HDLBP: variants seen among roughly 807,000 people sequenced by gnomAD.
HDLBP encodes the protein high density lipoprotein binding protein, also known as vigilin.
In HDLBP, 30 loss-of-function variants were observed where a neutral mutation model predicts 137.3. That is an observed-to-expected ratio of 0.22 (90% CI 0.16 to 0.30). The LOEUF (loss-of-function observed/expected upper bound fraction) is 0.30, where lower values mean the gene tolerates loss of function less well. HDLBP is among the 10% of genes least tolerant of loss of function. The pLI is 1.00. For missense variants in HDLBP, 1,119 were observed against 1,667.3 expected, an observed-to-expected ratio of 0.67 and a Z score of 5.73; for synonymous variants, 606 against 596.0, an observed-to-expected ratio of 1.02 and a Z score of -0.24.
chr2:241,256,564 G>A, intron 6 of HDLBP, 36 bp downstream of exon 6: 1 of 1,600,710 alleles, frequency 6.2e-7, no homozygotes, highest in Non-Finnish European at 8.6e-7. Context: ...GCACAAGCAG[G>A]TAGGCAGGGG....
intron 4 of HDLBP, 38 bp from the exon 5 acceptor site, chr2:241,262,964 T>G (rs748868260): frequency 6.6e-7 from 1 of 1,520,742 alleles, no homozygotes; most frequent in South Asian, 1.1e-5. Context: ...GGTTAAGAGA[T>G]TAAAAGAAGG....
Position 241,246,740 on chromosome 2 carries a change from A to G in HDLBP, c.1950+12T>C, listed in dbSNP as rs753484391. The G allele has an allele frequency of 1.2e-6, 2 of 1,611,642 alleles. No homozygotes were observed. The highest frequency in any genetic ancestry group is 2.2e-5 in the East Asian group (1 of 44,844). ...TACTGGAGGATCTCCATTAGAAAACATCTCCCATTACCAGGTCTTTCTGAA... is the reference window on the plus strand; with the variant it reads ...TACTGGAGGATCTCCATTAGAAAACGTCTCCCATTACCAGGTCTTTCTGAA... On this transcript the variant is annotated intron_variant, in intron 16 of 27. Coordinates refer to ENST00000310931, the MANE Select transcript of HDLBP (RefSeq NM_005336.6).
intron 27 of HDLBP, 34 bp downstream of exon 27, chr2:241,229,799 C>A: frequency 6.4e-7 from 1 of 1,562,940 alleles, no homozygotes; most frequent in South Asian, 1.2e-5. Flanking sequence ...CCCACCCTCC[C>A]TGGGACCCAG....
intron 27 of HDLBP, 49 bp downstream of exon 27, chr2:241,229,784 G>GGCCCCC: frequency 1.3e-6 from 2 of 1,502,518 alleles, no homozygotes; most frequent in Non-Finnish European, 1.8e-6. Flanking sequence ...AAGCCCGCCT[G>GGCCCCC]CCCGCCCACC....
intron 14 of HDLBP, 80 bp downstream of exon 14, chr2:241,247,923 G>T: frequency 1.1e-6 from 1 of 945,308 alleles, no homozygotes; most frequent in Non-Finnish European, 1.7e-6. Context: ...GGGTCCTGTG[G>T]GGGTCAGGAC....
intron 1 of HDLBP, among the ~76,000 whole-genome samples, chr2:241,298,315 G>A (rs373565269): frequency 1.8e-4 from 28 of 152,040 alleles, no homozygotes; most frequent in East Asian, 7.7e-4. Flanking sequence ...GCAGTCAGCC[G>A]AGATGGCGCC....
At chr2:241,281,145 C>G (rs928173358) in intron 1 of HDLBP, among the ~76,000 whole-genome samples, 1 of 152,044 alleles carries the variant, frequency 6.6e-6, no homozygotes, top group Non-Finnish European at 1.5e-5. Flanking sequence ...CACTTGAGGT[C>G]GAGAGATCGA....
chr2:241,242,847 G>T, intron 16 of HDLBP, 169 bp from the exon 17 acceptor site: 3 of 643,548 alleles, frequency 4.7e-6, no homozygotes, highest in East Asian at 2.8e-5. Flanking sequence ...TGACCTGCAC[G>T]GGGGAGGAGA....
chr2:241,239,583 C>G lies in HDLBP; in HGVS notation c.2610+19G>C. On this transcript the variant is annotated intron_variant, in intron 19 of 27. Transcript: ENST00000310931. The surrounding 1 kb of genome is among the most constrained non-coding windows in gnomAD (Gnocchi z 4.6). ...CCACTGGGGGGTGAGAACCCCTCCCCGAGCACCCAAGTGCCTACCAGGTCC... is the reference window on the plus strand; with the variant it reads ...CCACTGGGGGGTGAGAACCCCTCCCGGAGCACCCAAGTGCCTACCAGGTCC... 1 of 1,606,956 alleles carries G rather than the reference C, an allele frequency of 6.2e-7. No individual in the cohort carries two copies. The highest frequency in any genetic ancestry group is 8.5e-7 in the Non-Finnish European group (1 of 1,173,796).
At chr2:241,271,132 G>T (rs1431815186) in intron 1 of HDLBP, 1 of 985,258 alleles carries the variant, frequency 1.0e-6, no homozygotes, top group African/African-American at 1.7e-5. Flanking sequence ...TCTGGTAGGT[G>T]AGCCCTATCT....
At chr2:241,229,783 T>TTGGG in intron 27 of HDLBP, 50 bp downstream of exon 27, 3 of 1,524,616 alleles carry the variant, frequency 2.0e-6, no homozygotes, top group Non-Finnish European at 2.7e-6. Flanking sequence ...CAAGCCCGCC[T>TTGGG]GCCCGCCCAC....
intron 1 of HDLBP, chr2:241,280,130 A>G (rs1301260455): frequency 1.0e-6 from 1 of 984,966 alleles, no homozygotes. Flanking sequence ...CACAATTTGC[A>G]CTCCCATACT....
chr2:241,287,007 C>T (rs936626320), intron 1 of HDLBP, among the ~76,000 whole-genome samples: 20 of 151,998 alleles, frequency 1.3e-4, no homozygotes, highest in African/African-American at 4.6e-4. Context: ...TAGGTCTTCA[C>T]CCTGTATCAA....
At chr2:241,283,236 G>A (rs2074675231) in intron 1 of HDLBP, among the ~76,000 whole-genome samples, 2 of 152,190 alleles carry the variant, frequency 1.3e-5, no homozygotes, top group African/African-American at 4.8e-5. Context: ...GAGAGGTGAG[G>A]AAGCTGCAGG....
chr2:241,229,772 C>G (rs1364165434), intron 27 of HDLBP, 61 bp downstream of exon 27: 5 of 1,587,678 alleles, frequency 3.1e-6, no homozygotes, highest in African/African-American at 1.3e-5. Flanking sequence ...CCTCAGGACA[C>G]CAAGCCCGCC....
At position 241,272,257 on chromosome 2, in the gene HDLBP, G is replaced by C. The variant is rs1389741934; in HGVS notation, c.-102-3716C>G. On this transcript the variant is annotated intron_variant, in intron 1 of 27. Transcript: ENST00000310931. The surrounding 1 kb of genome is among the most constrained non-coding windows in gnomAD (Gnocchi z 5.6). ...CAGACCCCCGCCCCGCCGCCACCTG[G>C]GGGGAAGGACCCCGCTGGCCTCCCA... 3 of 970,366 alleles carry C rather than the reference G, an allele frequency of 3.1e-6. No individual in the cohort carries two copies. In the African/African-American group the frequency reaches 5.3e-5, roughly 17 times the overall value. 60.1% of individuals were successfully genotyped at this position (970,366 alleles called of 1,614,324 possible).
At chr2:241,236,396 G>C in intron 21 of HDLBP, 1 of 578,628 alleles carries the variant, frequency 1.7e-6, no homozygotes, top group Non-Finnish European at 3.1e-6. Context: ...TCCCAGAAAG[G>C]GGCTATAGAA....
At chr2:241,245,422 G>A (rs1040931760) in intron 16 of HDLBP, among the ~76,000 whole-genome samples, 6 of 152,080 alleles carry the variant, frequency 3.9e-5, no homozygotes, top group African/African-American at 1.4e-4. Flanking sequence ...CAAGTGATCC[G>A]CCCACCTGAG....
Position 241,230,696 on chromosome 2 carries a change from C to T in HDLBP, c.3474+63G>A, listed in dbSNP as rs1430410506. 3 of 1,454,740 alleles carry T rather than the reference C, an allele frequency of 2.1e-6. No individual in the cohort carries two copies. The African/African-American group carries it at 4.2e-5, about 20-fold the overall frequency. 90.1% of individuals were successfully genotyped at this position (1,454,740 alleles called of 1,614,324 possible). On this transcript the variant is annotated intron_variant, in intron 25 of 27. Coordinates refer to ENST00000310931, the MANE Select transcript of HDLBP (RefSeq NM_005336.6). This position sits in a 1 kb window ranked among gnomAD's most constrained non-coding sequence, Gnocchi z 5.0. Reference sequence around the variant, plus strand: ...GGAAGGCCATGCCCTGCTCTTTCTTCTGGCCAGCCAGGTGCCCCCGGTGAG... The same window carrying T: ...GGAAGGCCATGCCCTGCTCTTTCTTTTGGCCAGCCAGGTGCCCCCGGTGAG...
Sources: gnomAD v4.1 joint callset for allele counts (sites outside exome capture counted in the v4.1 genomes callset) on GRCh38, gnomAD v4.1.1 for gene constraint, Gnocchi (gnomAD v3.1) non-coding constraint, MANE v1.5 for transcripts, NCBI Gene and HGNC (gene_info 2026-07-23, HGNC 2026-07-21) for gene names.